Variants in ABTB3 observed in about 807,000 individuals in gnomAD.
ABTB3 encodes ankyrin repeat and BTB domain containing 3.
chr12:107,383,352 G>A, the ABTB3 span, among the ~76,000 whole-genome samples: 5 of 152,302 alleles, frequency 3.3e-5, no homozygotes, highest in South Asian at 6.2e-4. Context: ...TTGAGAGGCA[G>A]CCTGGTGTAG....
At chr12:107,389,926 T>A in the ABTB3 span, among the ~76,000 whole-genome samples, 5 of 151,812 alleles carry the variant, frequency 3.3e-5, no homozygotes, top group Non-Finnish European at 7.4e-5. Flanking sequence ...AACCACTTCC[T>A]CTTCCCAAAG....
At chr12:107,322,282 T>G in the ABTB3 span, among the ~76,000 whole-genome samples, 963 of 152,288 alleles carry the variant, frequency 6.3e-3, 11 homozygotes, top group African/African-American at 0.022. Flanking sequence ...CCACAGCGCT[T>G]AACTCTTGGG....
At chr12:107,549,702 A>T in the ABTB3 span, among the ~76,000 whole-genome samples, 6 of 152,210 alleles carry the variant, frequency 3.9e-5, no homozygotes, top group Admixed American at 2.0e-4. Flanking sequence ...CCTTATAAAA[A>T]TTGCAGTGTC....
chr12:107,409,687 C>A, the ABTB3 span, among the ~76,000 whole-genome samples: 2 of 152,168 alleles, frequency 1.3e-5, no homozygotes, highest in East Asian at 3.9e-4. Flanking sequence ...GAACAACACA[C>A]ACTGGGGCTT....
chr12:107,443,918 C>A, the ABTB3 span, among the ~76,000 whole-genome samples: 1 of 152,092 alleles, frequency 6.6e-6, no homozygotes, highest in African/African-American at 2.4e-5. Context: ...AGACTCAAGA[C>A]CAAAGGCCCT....
chr12:107,545,680 A>G, the ABTB3 span, among the ~76,000 whole-genome samples: 1 of 152,238 alleles, frequency 6.6e-6, no homozygotes, highest in Non-Finnish European at 1.5e-5. Flanking sequence ...TACGTTGTGC[A>G]TATTTTCACG....
At chr12:107,615,658 T>C in the ABTB3 span, among the ~76,000 whole-genome samples, 3 of 152,104 alleles carry the variant, frequency 2.0e-5, no homozygotes, top group Admixed American at 6.5e-5. Flanking sequence ...GTCCAGGAGG[T>C]CTAGAGTAGG....
At chr12:107,482,005 G>T in the ABTB3 span, among the ~76,000 whole-genome samples, 1 of 150,976 alleles carries the variant, frequency 6.6e-6, no homozygotes, top group South Asian at 2.1e-4. Flanking sequence ...CCCTGATCCA[G>T]CCCCTGTTGT....
At chr12:107,552,306 C>T in the ABTB3 span, among the ~76,000 whole-genome samples, 1 of 152,104 alleles carries the variant, frequency 6.6e-6, no homozygotes, top group East Asian at 1.9e-4. Context: ...TAATTTTTTT[C>T]ATAATCTTCA....
At chr12:107,541,609 C>T in the ABTB3 span, among the ~76,000 whole-genome samples, 2 of 152,250 alleles carry the variant, frequency 1.3e-5, no homozygotes, top group Admixed American at 1.3e-4. Context: ...CTTCGGAGAA[C>T]TTCAGTCTTT....
the ABTB3 span, among the ~76,000 whole-genome samples, chr12:107,399,608 A>G: frequency 6.6e-6 from 1 of 152,120 alleles, no homozygotes; most frequent in Non-Finnish European, 1.5e-5. Context: ...AACAATTACT[A>G]CTACTATGAT....
chr12:107,453,148 G>A, the ABTB3 span, among the ~76,000 whole-genome samples: 1 of 152,172 alleles, frequency 6.6e-6, no homozygotes, highest in South Asian at 2.1e-4. Flanking sequence ...CCAAGGGGAG[G>A]CCAGGCTGGC....
At chr12:107,422,461 T>C in the ABTB3 span, among the ~76,000 whole-genome samples, 1 of 152,132 alleles carries the variant, frequency 6.6e-6, no homozygotes, top group Non-Finnish European at 1.5e-5. Context: ...TGGTCTGCAT[T>C]AGGCTTTAAA....
the ABTB3 span, among the ~76,000 whole-genome samples, chr12:107,519,269 A>T: frequency 1.3e-5 from 2 of 149,498 alleles, no homozygotes; most frequent in Non-Finnish European, 3.0e-5. Context: ...CCACCTTCAG[A>T]TCTCCAGTTT....
chr12:107,554,720 G>A, the ABTB3 span, among the ~76,000 whole-genome samples: 1 of 152,196 alleles, frequency 6.6e-6, no homozygotes, highest in African/African-American at 2.4e-5. Flanking sequence ...TGGGGCCTGA[G>A]AGTCTCTGTT....
chr12:107,556,495 G>T, the ABTB3 span, among the ~76,000 whole-genome samples: 1 of 152,190 alleles, frequency 6.6e-6, no homozygotes, highest in South Asian at 2.1e-4. Flanking sequence ...TGCAAAGGCA[G>T]GAGGCTTGAG....
chr12:107,433,446 A>G, the ABTB3 span, among the ~76,000 whole-genome samples: 1 of 152,132 alleles, frequency 6.6e-6, no homozygotes, highest in Admixed American at 6.5e-5. Context: ...AGAGCATGAC[A>G]TGGGCGTTCC....
the ABTB3 span, among the ~76,000 whole-genome samples, chr12:107,410,825 T>A: frequency 1.3e-5 from 2 of 152,116 alleles, no homozygotes. Context: ...TTGAAGGTGC[T>A]TTTGCTAAAA....
chr12:107,345,948 A>G, the ABTB3 span, among the ~76,000 whole-genome samples: 5 of 152,254 alleles, frequency 3.3e-5, no homozygotes, highest in Non-Finnish European at 5.9e-5. Flanking sequence ...ATTAATCTTC[A>G]TAATGGTCTC....
Sources: allele counts gnomAD v4.1 joint callset (sites outside exome capture counted in the v4.1 genomes callset), GRCh38; gene constraint gnomAD v4.1.1; transcripts MANE v1.5; gene names NCBI Gene and HGNC (gene_info 2026-07-23, HGNC 2026-07-21).